Variants in TBX20 observed in about 807,000 individuals in gnomAD.
TBX20 encodes the protein T-box transcription factor TBX20.
In TBX20, 8 loss-of-function variants were observed where a neutral mutation model predicts 42.9. The observed-to-expected ratio is 0.19, with a 90% CI of 0.11 to 0.34. TBX20 has a LOEUF of 0.34. Among genes scored for constraint, TBX20 ranks in the 10% least tolerant of loss-of-function variants. The pLI, the probability that TBX20 is intolerant of heterozygous loss-of-function variation, is 1.00. For synonymous variants in TBX20, 198 were observed against 222.8 expected (o/e 0.89, Z 0.99); for missense variants, 411 against 566.0 (o/e 0.73, Z 2.78).
chr7:35,226,848 C>T (rs537636218), intron 6 of TBX20, among the ~76,000 whole-genome samples: 10 of 151,958 alleles, frequency 6.6e-5, no homozygotes, highest in African/African-American at 2.4e-4. Context: ...TCACGGTGTA[C>T]TCCTTCTACT....
Position 35,244,931 on chromosome 7 carries a change from C to T in TBX20, c.654+18G>A. The T allele has an allele frequency of 6.3e-7, 1 of 1,588,890 alleles. No individual in the cohort carries two copies. Among genetic ancestry groups the T allele is most frequent in the Non-Finnish European group, 8.6e-7 (1 of 1,157,160 alleles). ...TTCTACCTCAGGGAACCTGCACAGT[C>T]CAAGGCATGGTACTTACATGGCCAT... On this transcript the variant is annotated intron_variant, in intron 4 of 7. Coordinates refer to ENST00000408931, the MANE Select transcript of TBX20 (RefSeq NM_001077653.2).
At chr7:35,206,334 G>A (rs1789400013) in intron 6 of TBX20, among the ~76,000 whole-genome samples, 1 of 152,200 alleles carries the variant, frequency 6.6e-6, no homozygotes, top group Non-Finnish European at 1.5e-5. Context: ...GATCACCCAA[G>A]GTCAGGAGTT....
In TBX20 at chr7:35,246,278, T is replaced by C. The variant is rs534572157; in HGVS notation, c.546-1221A>G. Among the ~76,000 whole-genome samples, 11 of 152,270 alleles carry C rather than the reference T, an allele frequency of 7.2e-5. No homozygotes were observed. In the South Asian group the frequency reaches 1.7e-3, roughly 23 times the overall value. ...AAGGCTTCAGGCATTTGTCTGCCTG[T>C]TAATTCCACTGTTTTTAGGAGGATT... is the stretch of plus-strand genomic sequence containing the variant. On this transcript the variant is annotated intron_variant, in intron 3 of 7. Transcript: ENST00000408931.
intron 6 of TBX20, 21 bp from the exon 7 acceptor site, chr7:35,204,603 A>G (rs1789369314): frequency 1.3e-6 from 2 of 1,568,566 alleles, no homozygotes; most frequent in Non-Finnish European, 1.8e-6. Flanking sequence ...GTGACATATC[A>G]CAGGTTAAGT....
At chr7:35,252,889 A>C (rs1349296558) in intron 1 of TBX20, among the ~76,000 whole-genome samples, 1 of 152,264 alleles carries the variant, frequency 6.6e-6, no homozygotes, top group Non-Finnish European at 1.5e-5. Flanking sequence ...AAGTAGAGGA[A>C]TTTGAGAAAT....
chr7:35,252,553 A>C (rs1192551283), intron 1 of TBX20, among the ~76,000 whole-genome samples: 1 of 332 alleles, frequency 3.0e-3, no homozygotes, highest in African/African-American at 0.012. Flanking sequence ...TGATATGTTA[A>C]GTGTGGGAAG....
Position 35,235,720 on chromosome 7 carries a change from G to A in TBX20, c.814-4140C>T, listed in dbSNP as rs929629398. Among the ~76,000 whole-genome samples the A allele has an allele frequency of 3.3e-5, 5 of 152,056 alleles. No individual in the cohort carries two copies. In the South Asian group the frequency reaches 1.0e-3, roughly 31 times the overall value. On this transcript the variant is annotated intron_variant, in intron 5 of 7. Transcript: ENST00000408931. ...ACATAATGCAATTCCTAACCAAAATGTTCACTCTTTTGGCATCTCTATTAT... is the reference window on the plus strand; with the variant it reads ...ACATAATGCAATTCCTAACCAAAATATTCACTCTTTTGGCATCTCTATTAT...
intron 5 of TBX20, among the ~76,000 whole-genome samples, chr7:35,234,953 T>A (rs1789935305): frequency 6.6e-6 from 1 of 152,118 alleles, no homozygotes; most frequent in South Asian, 2.1e-4. Flanking sequence ...TAGCCCACTG[T>A]CACTAGACTC....
At chr7:35,235,689 T>C (rs536212747) in intron 5 of TBX20, among the ~76,000 whole-genome samples, 34 of 152,166 alleles carry the variant, frequency 2.2e-4, no homozygotes, top group Non-Finnish European at 4.3e-4. Context: ...ATTTAAATAA[T>C]ATAGAACATA....
Position 35,248,679 on chromosome 7 carries a change from G to A in TBX20, c.543C>T (p.Ala181=). The A allele has an allele frequency of 1.2e-6, 2 of 1,614,176 alleles. No individual in the cohort carries two copies. Residue 181 remains alanine, a splice_region_variant and synonymous_variant, in exon 3 of 8, where the codon GCC becomes GCT. Transcript: ENST00000408931. ...GTGAAAAATCTGGAGGCACGAACCT[G>A]GCTGGCAACGGCGGGTCGGCCTTGC... ...VAGKADPPLP[A]RLYVHPDSPF...
At chr7:35,244,212 A>G (rs1435904548) in intron 4 of TBX20, among the ~76,000 whole-genome samples, 1 of 152,222 alleles carries the variant, frequency 6.6e-6, no homozygotes, top group African/African-American at 2.4e-5. Flanking sequence ...AACAGCATGA[A>G]GTAACATCCC....
At chr7:35,222,971 A>G (rs1394600011) in intron 6 of TBX20, among the ~76,000 whole-genome samples, 2 of 152,234 alleles carry the variant, frequency 1.3e-5, no homozygotes, top group Non-Finnish European at 2.9e-5. Flanking sequence ...ATGAAGGCCA[A>G]TAAGAGTGGA....
At position 35,250,093 on chromosome 7, in the gene TBX20, G is replaced by C. The variant is rs1790274874; in HGVS notation, c.238C>G (p.Leu80Val). Residue 80 changes from leucine to valine, a missense_variant, in exon 2 of 8, where the codon CTG becomes GTG. Around this residue, in one of 5 missense-constraint regions of TBX20, gnomAD observed 114 missense variants for 128.0 expected, o/e 0.89. Coordinates refer to ENST00000408931, the MANE Select transcript of TBX20 (RefSeq NM_001077653.2). ...GSGSSPSSSSLCTEPLIPTTP... is the reference protein window; with the variant it reads ...GSGSSPSSSSVCTEPLIPTTP... ...GTGGGGATCAGTGGCTCAGTGCACAGAGAGGAGGAGGACGGGCTGCTGCCA... is the reference window on the plus strand; with the variant it reads ...GTGGGGATCAGTGGCTCAGTGCACACAGAGGAGGAGGACGGGCTGCTGCCA... The C allele has an allele frequency of 6.2e-7, 1 of 1,613,854 alleles. No individual in the cohort carries two copies. The highest frequency in any genetic ancestry group is 1.3e-5 in the African/African-American group (1 of 75,004).
At chr7:35,248,992 A>G in intron 2 of TBX20, 151 bp from the exon 3 acceptor site, 1 of 917,092 alleles carries the variant, frequency 1.1e-6, no homozygotes, top group South Asian at 1.4e-5. Context: ...GTTTTGTTTA[A>G]AGCCTCAGAG....
chr7:35,208,363 T>C (rs1196755468), intron 6 of TBX20, among the ~76,000 whole-genome samples: 5 of 152,182 alleles, frequency 3.3e-5, no homozygotes, highest in Non-Finnish European at 7.4e-5. Context: ...AAGATAGTTT[T>C]ACTTCTGTCT....
chr7:35,247,308 A>G (rs1003635910), intron 3 of TBX20, among the ~76,000 whole-genome samples: 1 of 152,078 alleles, frequency 6.6e-6, no homozygotes, highest in Non-Finnish European at 1.5e-5. Context: ...AGTAAATAGA[A>G]GAGAACACTA....
At chr7:35,223,108 AAGATG>A (rs1242497267) in intron 6 of TBX20, among the ~76,000 whole-genome samples, 1 of 2,910 alleles carries the variant, frequency 3.4e-4, no homozygotes, top group African/African-American at 1.6e-3. Context: ...ATTAGTTGAC[AAGATG>A]AGTTAATGTT....
At chr7:35,219,630 C>T (rs190262572) in intron 6 of TBX20, among the ~76,000 whole-genome samples, 24 of 152,344 alleles carry the variant, frequency 1.6e-4, no homozygotes, top group African/African-American at 5.5e-4. Context: ...CTCTACAACC[C>T]AGCCTAGAGC....
chr7:35,208,635 G>A (rs1400788867), intron 6 of TBX20, among the ~76,000 whole-genome samples: 2 of 151,396 alleles, frequency 1.3e-5, no homozygotes, highest in Admixed American at 1.3e-4. Flanking sequence ...CCCGCTACTC[G>A]GGATGCTGAG....
Sources: allele counts gnomAD v4.1 joint callset (sites outside exome capture counted in the v4.1 genomes callset), GRCh38; gene constraint gnomAD v4.1.1; regional missense constraint gnomAD v4.1.1; transcripts MANE v1.5; gene names NCBI Gene and HGNC (gene_info 2026-07-23, HGNC 2026-07-21).